Variants in TACC2 observed in about 807,000 individuals in gnomAD.
TACC2 encodes transforming acidic coiled-coil containing protein 2, also known as transforming acidic coiled-coil-containing protein 2.
TACC2 carries 137 observed loss-of-function variants against 227.3 expected under a neutral mutation model. The ratio of observed to expected loss-of-function variants is 0.60; its 90% CI spans 0.52 to 0.69. The LOEUF (loss-of-function observed/expected upper bound fraction) is 0.69. TACC2 is among the 30% of genes least tolerant of loss of function. The pLI is 0.00. For missense variants in TACC2, 3,470 were observed against 3,694.4 expected, an observed-to-expected ratio of 0.94 and a Z score of 1.57; for synonymous variants, 1,523 against 1,487.5, an observed-to-expected ratio of 1.02 and a Z score of -0.55.
chr10:122,201,238 TCTACAGTGA>T, intron 8 of TACC2, among the ~76,000 whole-genome samples: 1 of 151,174 alleles, frequency 6.6e-6, no homozygotes, highest in African/African-American at 2.4e-5. Context: ...AGTGGCCACA[TCTACAGTGA>T]GAGGACGGCC....
At chr10:122,163,673 C>T (rs2092965137) in intron 7 of TACC2, 6 of 1,056,740 alleles carry the variant, frequency 5.7e-6, no homozygotes, top group Admixed American at 5.4e-5. Context: ...CCGCGCACGC[C>T]GGCCACACTC....
At chr10:122,097,679 T>C (rs932264247) in intron 5 of TACC2, among the ~76,000 whole-genome samples, 12 of 151,518 alleles carry the variant, frequency 7.9e-5, no homozygotes, top group Middle Eastern at 3.4e-3. Context: ...GGGGTGATGC[T>C]GGGTGCTATT....
chr10:122,122,908 C>G (rs967719806), intron 5 of TACC2, among the ~76,000 whole-genome samples: 20 of 152,316 alleles, frequency 1.3e-4, no homozygotes, highest in Admixed American at 5.9e-4. Flanking sequence ...CAAATTTTAT[C>G]ACCAAAAATA....
At chr10:122,029,214 C>A (rs1399841006) in intron 2 of TACC2, among the ~76,000 whole-genome samples, 1 of 151,510 alleles carries the variant, frequency 6.6e-6, no homozygotes, top group Non-Finnish European at 1.5e-5. Flanking sequence ...GTTCTCTATT[C>A]CTAGTTTGCT....
chr10:122,017,346 C>T (rs1319989591), intron 1 of TACC2, among the ~76,000 whole-genome samples: 2 of 152,114 alleles, frequency 1.3e-5, no homozygotes, highest in African/African-American at 2.4e-5. Context: ...GTGCCGCCGC[C>T]GTTTTGGTGA....
At chr10:122,102,571 A>G (rs2082295746) in intron 5 of TACC2, among the ~76,000 whole-genome samples, 1 of 152,152 alleles carries the variant, frequency 6.6e-6, no homozygotes, top group South Asian at 2.1e-4. Flanking sequence ...TCTGCCAGAG[A>G]AGGTACAGCA....
intron 7 of TACC2, among the ~76,000 whole-genome samples, chr10:122,165,274 A>G (rs1167166565): frequency 6.6e-6 from 1 of 152,134 alleles, no homozygotes. Flanking sequence ...GAAAAGAACC[A>G]CTTTAACCTA....
intron 7 of TACC2, among the ~76,000 whole-genome samples, chr10:122,144,734 T>C (rs1183190029): frequency 1.3e-5 from 2 of 152,056 alleles, no homozygotes; most frequent in Non-Finnish European, 2.9e-5. Flanking sequence ...TGGACCAGAG[T>C]CTGCCTTATC....
At chr10:121,989,749 A>T (rs1471439753) in intron 1 of TACC2, among the ~76,000 whole-genome samples, 3 of 141,244 alleles carry the variant, frequency 2.1e-5, no homozygotes, top group Non-Finnish European at 4.7e-5. Context: ...TTTTAAATTA[A>T]TTTTATTTTT....
At chr10:122,030,213 A>C (rs762353472) in intron 2 of TACC2, among the ~76,000 whole-genome samples, 28 of 152,152 alleles carry the variant, frequency 1.8e-4, no homozygotes, top group Non-Finnish European at 3.5e-4. Context: ...ACCTGAGATG[A>C]ATTTCTACCT....
chr10:122,177,738 G>C (rs1394469511), intron 7 of TACC2, among the ~76,000 whole-genome samples: 7 of 152,138 alleles, frequency 4.6e-5, no homozygotes, highest in African/African-American at 1.7e-4. Context: ...GAAAGAATTG[G>C]GAGTGTGGAT....
At chr10:122,167,783 C>G (rs1186396681) in intron 7 of TACC2, among the ~76,000 whole-genome samples, 1 of 152,216 alleles carries the variant, frequency 6.6e-6, no homozygotes, top group African/African-American at 2.4e-5. Context: ...AGTGGAAATG[C>G]CCTATGCCTG....
chr10:122,003,152 G>A (rs897811701), intron 1 of TACC2, among the ~76,000 whole-genome samples: 4 of 151,912 alleles, frequency 2.6e-5, no homozygotes, highest in Non-Finnish European at 5.9e-5. Flanking sequence ...GCAGTGAGCC[G>A]AGATCACATC....
At chr10:122,052,934 G>A (rs375859575) in intron 3 of TACC2, among the ~76,000 whole-genome samples, 11 of 152,308 alleles carry the variant, frequency 7.2e-5, no homozygotes, top group African/African-American at 2.6e-4. Flanking sequence ...TGTCCTTGGC[G>A]TCACCAACAA....
chr10:122,105,496 T>A (rs912639819), intron 5 of TACC2, among the ~76,000 whole-genome samples: 1 of 152,214 alleles, frequency 6.6e-6, no homozygotes, highest in Non-Finnish European at 1.5e-5. Context: ...ATATACATCA[T>A]AACCTCAGGT....
At chr10:122,004,415 T>A (rs957116935) in intron 1 of TACC2, among the ~76,000 whole-genome samples, 1 of 147,924 alleles carries the variant, frequency 6.8e-6, no homozygotes, top group African/African-American at 2.5e-5. Context: ...AAAAAAAAAA[T>A]TACACTCGTT....
At chr10:122,253,481 C>T (rs763947950) in intron 22 of TACC2, among the ~76,000 whole-genome samples, 5 of 152,112 alleles carry the variant, frequency 3.3e-5, no homozygotes, top group Admixed American at 2.0e-4. Context: ...CTGCCCCCCA[C>T]CCCCCATGAC....
chr10:122,199,227 G>T (rs1291740905), intron 8 of TACC2, among the ~76,000 whole-genome samples: 1 of 152,232 alleles, frequency 6.6e-6, no homozygotes, highest in East Asian at 1.9e-4. Flanking sequence ...TGAGCCAAGG[G>T]TATACAGATT....
rs527240643 is a variant in TACC2 at position 122,141,982 on chromosome 10, A to G, written c.5700-1590A>G. ...AGCTTAAATGCCTCTGGTAGTTTGC[A>G]TTATTCATTTTGAGTCATTCTTTTA... On this transcript the variant is annotated intron_variant, in intron 6 of 22. Transcript: ENST00000369005. The surrounding 1 kb of genome is among the most constrained non-coding windows in gnomAD (Gnocchi z 4.3). Among the ~76,000 whole-genome samples the G allele has an allele frequency of 6.6e-6, 1 of 152,342 alleles. No homozygotes were observed. Among genetic ancestry groups the G allele is most frequent in the Admixed American group, 6.5e-5 (1 of 15,302 alleles).
Sources: allele counts gnomAD v4.1 joint callset (sites outside exome capture counted in the v4.1 genomes callset), GRCh38; gene constraint gnomAD v4.1.1; non-coding constraint Gnocchi (gnomAD v3.1); transcripts MANE v1.5; gene names NCBI Gene and HGNC (gene_info 2026-07-23, HGNC 2026-07-21).